Variants in KLHL41 observed in about 807,000 individuals in gnomAD.
The protein encoded by KLHL41 is kelch like family member 41.
KLHL41 carries 31 observed loss-of-function variants against 49.2 expected under a neutral mutation model. The observed-to-expected ratio is 0.63, with a 90% CI of 0.47 to 0.85. The LOEUF (loss-of-function observed/expected upper bound fraction) is 0.85. KLHL41 is among the 40% of genes least tolerant of loss of function. The pLI is 0.00. For synonymous variants in KLHL41, 218 were observed against 258.5 expected (o/e 0.84, Z 1.50); for missense variants, 663 against 726.7 (o/e 0.91, Z 1.01).
chr2:169,515,010 G>C (rs752091921), intron 3 of KLHL41, 49 bp downstream of exon 3: 3 of 1,120,060 alleles, frequency 2.7e-6, no homozygotes, highest in Non-Finnish European at 3.9e-6. Flanking sequence ...CTTTTTATTA[G>C]AAGGGTTTCT....
At chr2:169,522,401 G>GA (rs1388823545) in intron 5 of KLHL41, among the ~76,000 whole-genome samples, 6 of 151,896 alleles carry the variant, frequency 4.0e-5, no homozygotes, top group South Asian at 2.1e-4. Flanking sequence ...GGGAGAAAGA[G>GA]AAAAAAAATG....
chr2:169,510,880 T>G lies in KLHL41; in HGVS notation c.1102T>G (p.Phe368Val). 3 of 1,611,714 alleles carry G rather than the reference T, an allele frequency of 1.9e-6. No individual in the cohort carries two copies. In the South Asian group the frequency reaches 3.3e-5, roughly 18 times the overall value. ...ENKDQPLQSYFFQLDSIASEW... is the reference protein window; with the variant it reads ...ENKDQPLQSYVFQLDSIASEW... ...TAAGGATCAACCTCTACAGTCATAC[T>G]TCTTCCAGGTAAGAAGGACTTTTTG... Residue 368 changes from phenylalanine (F) to valine (V), a missense_variant, in exon 1 of 6, where the codon TTC (phenylalanine) becomes GTC (valine). By Grantham distance (50) the Phe-to-Val change is conservative (BLOSUM62 -1). Transcript: ENST00000284669. This position sits in a 1 kb window ranked among gnomAD's most constrained non-coding sequence, Gnocchi z 4.2.
chr2:169,516,251 T>A (rs1216071276), intron 3 of KLHL41, among the ~76,000 whole-genome samples: 3 of 152,214 alleles, frequency 2.0e-5, no homozygotes, highest in Non-Finnish European at 4.4e-5. Context: ...ATGTGTTAGA[T>A]GTCAAGAACT....
In KLHL41 at chr2:169,509,985, G is replaced by T. The variant is rs373592757; in HGVS notation, c.207G>T (p.Ala69=). 1.9e-6 allele frequency: 3 copies of T among 1,610,136 alleles called. No individual in the cohort carries two copies. Among genetic ancestry groups the T allele is most frequent in the African/African-American group, 2.7e-5 (2 of 74,380 alleles). ...ACTTTTTATCTGAAATTGATGAGGC[G>T]AAAAAAAAGGAGGTAGTGCTAGACA... is the stretch of plus-strand genomic sequence containing the variant. The part of the protein sequence containing the change: ...REYFLSEIDE[A]KKKEVVLDNV... The change falls in exon 1 of 6, where the codon GCG becomes GCT. Residue 69 remains alanine (A), a synonymous_variant. Transcript: ENST00000284669.
intron 3 of KLHL41, among the ~76,000 whole-genome samples, chr2:169,516,646 C>T (rs918269828): frequency 6.6e-6 from 1 of 152,166 alleles, no homozygotes; most frequent in Non-Finnish European, 1.5e-5. Context: ...AGGAATATAT[C>T]AATCTTGAGA....
rs1473876971 is a variant in KLHL41, at chr2:169,514,918, C to T, written c.1333C>T (p.His445Tyr). ...IKVYGHNVIS[H>Y]KGMIYCLGGK... ...AGTCTATGGCCATAATGTGATTTCA[C>T]ATAAAGGGATGATATATTGTCTAGG... Residue 445 changes from histidine (H) to tyrosine (Y), a missense_variant, in exon 3 of 6, where the codon CAT becomes TAT. Around this residue, in one of 3 missense-constraint regions of KLHL41, gnomAD observed 528 missense variants for 581.0 expected, o/e 0.91. Transcript: ENST00000284669. 6.2e-7 allele frequency: 1 copy of T among 1,611,426 alleles called. No homozygotes were observed. Among genetic ancestry groups the T allele is most frequent in the Non-Finnish European group, 8.5e-7 (1 of 1,179,020 alleles).
At chr2:169,521,800 T>A (rs1684207833) in intron 5 of KLHL41, among the ~76,000 whole-genome samples, 1 of 152,176 alleles carries the variant, frequency 6.6e-6, no homozygotes, top group Non-Finnish European at 1.5e-5. Context: ...AAATGCTTTT[T>A]TAAAATGAAA....
At chr2:169,523,887 C>T (rs1031149123) in intron 5 of KLHL41, among the ~76,000 whole-genome samples, 4 of 152,016 alleles carry the variant, frequency 2.6e-5, no homozygotes, top group African/African-American at 9.7e-5. Context: ...AGTTGAAGGC[C>T]GCCGATCTAG....
At position 169,509,842 on chromosome 2, in the gene KLHL41, G is replaced by T. The variant is rs758522321; in HGVS notation, c.64G>T (p.Gly22Cys). 1 of 1,613,930 alleles carries T rather than the reference G, an allele frequency of 6.2e-7. No homozygotes were observed. Among genetic ancestry groups the T allele is most frequent in the African/African-American group, 1.3e-5 (1 of 75,028 alleles). ...TTACCAATCCACCCTTCTTCAGGAT[G>T]GTCTAAAAGATCTCCTGGATGAGAA... ...RLYQSTLLQD[G>C]LKDLLDEKKF... Residue 22 changes from glycine to cysteine, a missense_variant, in exon 1 of 6, where the codon GGT becomes TGT. Around this residue, in one of 3 missense-constraint regions of KLHL41, gnomAD observed 129 missense variants for 122.1 expected, o/e 1.06. Transcript: ENST00000284669.
At chr2:169,515,996 C>A (rs1383179906) in intron 3 of KLHL41, among the ~76,000 whole-genome samples, 1 of 152,166 alleles carries the variant, frequency 6.6e-6, no homozygotes, top group African/African-American at 2.4e-5. Context: ...GATGTTATAA[C>A]CCAGAGAGAG....
At chr2:169,514,543 C>A (rs2105309658) in intron 1 of KLHL41, 31 bp from the exon 2 acceptor site, 5 of 1,580,608 alleles carry the variant, frequency 3.2e-6, no homozygotes, top group Non-Finnish European at 4.3e-6. Flanking sequence ...TTCTAACAGG[C>A]TCCACAATCT....
chr2:169,522,759 G>A (rs916643673), intron 5 of KLHL41, among the ~76,000 whole-genome samples: 6 of 108,216 alleles, frequency 5.5e-5, no homozygotes, highest in Non-Finnish European at 1.0e-4. Flanking sequence ...GTCTCACTCT[G>A]TCACCCAGGC....
At chr2:169,514,303 G>A (rs1684073251) in intron 1 of KLHL41, 1 of 300,222 alleles carries the variant, frequency 3.3e-6, no homozygotes, top group East Asian at 6.8e-5. Flanking sequence ...CCTCACAGTT[G>A]TAATTAACCT....
chr2:169,523,315 C>T (rs1197564829), intron 5 of KLHL41, among the ~76,000 whole-genome samples: 1 of 152,122 alleles, frequency 6.6e-6, no homozygotes, highest in Non-Finnish European at 1.5e-5. Flanking sequence ...CACCAGGGTG[C>T]TTCAAAAAAT....
rs1422430568 is a variant in KLHL41 at position 169,525,963 on chromosome 2, G to A, written c.*267G>A. 2 of 257,566 alleles carry A rather than the reference G, an allele frequency of 7.8e-6. No individual in the cohort carries two copies. The highest frequency in any genetic ancestry group is 1.0e-4 in the Admixed American group (2 of 19,120). 16.0% of individuals were successfully genotyped at this position (257,566 alleles called of 1,614,324 possible). On this transcript the variant is annotated 3_prime_UTR_variant, in exon 6 of 6. Transcript: ENST00000284669. ...TCTGTTTCACTCAATGGATTGTAAA[G>A]AAGGCTCCTAAATTTGAGTTGTTTG...
At chr2:169,519,388 C>A (rs540806656) in intron 4 of KLHL41, among the ~76,000 whole-genome samples, 1 of 152,100 alleles carries the variant, frequency 6.6e-6, no homozygotes, top group South Asian at 2.1e-4. Context: ...TTTTGTGGAA[C>A]ACTATTTAAA....
At position 169,518,112 on chromosome 2, in the gene KLHL41, G is replaced by C; in HGVS notation, c.1377-78G>C. On this transcript the variant is annotated intron_variant, in intron 3 of 5. Coordinates refer to ENST00000284669, the MANE Select transcript of KLHL41 (RefSeq NM_006063.3). ...TCTGATCCTACTATATATTTTTCATGACAAGCAAAGCCAAATTATTAGTGA... is the reference window on the plus strand; with the variant it reads ...TCTGATCCTACTATATATTTTTCATCACAAGCAAAGCCAAATTATTAGTGA... 3.0e-6 allele frequency: 3 copies of C among 1,016,210 alleles called. No homozygotes were observed. In the East Asian group the frequency reaches 7.4e-5, roughly 25 times the overall value. The allele number at this position is 1,016,210 out of a possible 1,614,324, so 62.9% of individuals were successfully genotyped here. A position where few individuals can be genotyped will look rare whatever the true frequency, so the allele number is the denominator to read the frequency against.
chr2:169,521,673 G>A (rs768664605), intron 5 of KLHL41, among the ~76,000 whole-genome samples: 14 of 152,230 alleles, frequency 9.2e-5, no homozygotes, highest in African/African-American at 2.9e-4. Context: ...GATTACAGGC[G>A]TGAGCCACGT....
At chr2:169,519,531 G>A (rs1297403596) in intron 4 of KLHL41, among the ~76,000 whole-genome samples, 1 of 151,990 alleles carries the variant, frequency 6.6e-6, no homozygotes, top group Non-Finnish European at 1.5e-5. Flanking sequence ...AAATGTACAT[G>A]CTTTTTAAAA....
Sources: gnomAD v4.1 joint callset for allele counts (sites outside exome capture counted in the v4.1 genomes callset) on GRCh38, gnomAD v4.1.1 for gene constraint, gnomAD v4.1.1 regional missense constraint, Gnocchi (gnomAD v3.1) non-coding constraint, MANE v1.5 for transcripts, NCBI Gene and HGNC (gene_info 2026-07-23, HGNC 2026-07-21) for gene names.